PRKCE: variants seen among roughly 807,000 people sequenced by gnomAD.
PRKCE encodes protein kinase C epsilon, also known as protein kinase C epsilon type.
A neutral mutation model predicts 85.4 loss-of-function variants in PRKCE; 16 were observed. That is an observed-to-expected ratio of 0.19 (90% CI 0.13 to 0.28). The LOEUF (loss-of-function observed/expected upper bound fraction) is 0.28. Ranked by LOEUF, PRKCE falls within the 10% of genes least tolerant of loss-of-function variation. The probability of loss-of-function intolerance (pLI) is 1.00; values close to 1 mark genes in which losing one functional copy is unlikely to be tolerated. For missense variants in PRKCE, 573 were observed against 975.2 expected (o/e 0.59, Z 5.49); for synonymous variants, 388 against 371.5 (o/e 1.04, Z -0.51).
chr2:46,088,251 C>T (rs140560061), intron 11 of PRKCE, among the ~76,000 whole-genome samples: 5 of 152,142 alleles, frequency 3.3e-5, no homozygotes, highest in South Asian at 2.1e-4. Context: ...CCCCTTGTTT[C>T]GCACCCACAA....
rs531834984 is a variant in PRKCE at position 46,037,621 on chromosome 2, T to C, written c.1437+27104T>C. 4.8e-4 allele frequency among the ~76,000 whole-genome samples: 73 copies of C among 152,316 alleles called. 1 individual carries two copies. Among genetic ancestry groups the C allele is most frequent in the African/African-American group, 1.8e-3 (73 of 41,576 alleles). ...AACATACCCAAGCCATTATCCAGCC[T>C]ACCAATAATACATTTCAAGAAAACA... On this transcript the variant is annotated intron_variant, in intron 10 of 14. Coordinates refer to ENST00000306156, the MANE Select transcript of PRKCE (RefSeq NM_005400.3).
chr2:45,941,994 C>T (rs1486820253), intron 2 of PRKCE, among the ~76,000 whole-genome samples: 3 of 152,188 alleles, frequency 2.0e-5, no homozygotes, highest in Non-Finnish European at 4.4e-5. Flanking sequence ...TGAGTTGGCT[C>T]CATCTTTCAA....
intron 10 of PRKCE, among the ~76,000 whole-genome samples, chr2:46,085,554 G>A (rs1368041266): frequency 6.8e-6 from 1 of 147,436 alleles, no homozygotes; most frequent in Non-Finnish European, 1.5e-5. Flanking sequence ...GCATCCTTTG[G>A]CTTGTGACTG....
At chr2:46,048,885 C>CT (rs1478096229) in intron 10 of PRKCE, among the ~76,000 whole-genome samples, 1 of 152,216 alleles carries the variant, frequency 6.6e-6, no homozygotes, top group African/African-American at 2.4e-5. Context: ...ACAGAATGCA[C>CT]TCTGCACTTT....
intron 10 of PRKCE, among the ~76,000 whole-genome samples, chr2:46,014,062 A>G (rs1385410180): frequency 6.6e-6 from 1 of 152,158 alleles, no homozygotes; most frequent in East Asian, 1.9e-4. Context: ...GAGCCCGCCT[A>G]CCCTTGGCTC....
chr2:45,708,208 C>T (rs1017710240), intron 1 of PRKCE, among the ~76,000 whole-genome samples: 13 of 152,202 alleles, frequency 8.5e-5, no homozygotes, highest in African/African-American at 2.9e-4. Flanking sequence ...GGGCTCCAGT[C>T]CACAATCATC....
At chr2:46,120,202 C>G (rs1447414200) in intron 11 of PRKCE, among the ~76,000 whole-genome samples, 2 of 152,218 alleles carry the variant, frequency 1.3e-5, no homozygotes, top group Non-Finnish European at 2.9e-5. Context: ...GTCTCTTCAC[C>G]TCCCCAGTGA....
At chr2:46,050,889 C>T (rs1192350155) in intron 10 of PRKCE, among the ~76,000 whole-genome samples, 1 of 152,210 alleles carries the variant, frequency 6.6e-6, no homozygotes, top group Non-Finnish European at 1.5e-5. Flanking sequence ...CCACAATGGG[C>T]AGAAACATCT....
rs374881247 is a variant in PRKCE, at chr2:45,728,882, T to C, written c.348+76434T>C. On this transcript the variant is annotated intron_variant, in intron 1 of 14. Transcript: ENST00000306156. ...GAGTAATGTGTTTAGAGTTGGGTGT[T>C]GGAGCTGGGTGTTAGCAAAGATTTG... Among the ~76,000 whole-genome samples the C allele has an allele frequency of 1.2e-3, 179 of 152,310 alleles. 1 individual carries two copies. The highest frequency in any genetic ancestry group is 4.1e-3 in the African/African-American group (170 of 41,550).
chr2:45,951,994 A>T (rs1014002194), intron 2 of PRKCE, among the ~76,000 whole-genome samples: 14 of 152,156 alleles, frequency 9.2e-5, no homozygotes, highest in African/African-American at 1.9e-4. Flanking sequence ...CACCACATCC[A>T]GCTAACTTTT....
intron 1 of PRKCE, among the ~76,000 whole-genome samples, chr2:45,829,230 G>A (rs1690202705): frequency 6.6e-6 from 1 of 152,132 alleles, no homozygotes; most frequent in African/African-American, 2.4e-5. Flanking sequence ...AAGGATTTTT[G>A]TCATGTAAGG....
intron 14 of PRKCE, among the ~76,000 whole-genome samples, chr2:46,168,412 G>T (rs1678559793): frequency 6.6e-6 from 1 of 152,150 alleles, no homozygotes; most frequent in Non-Finnish European, 1.5e-5. Flanking sequence ...TAGAGGAGCT[G>T]GAACTTGACA....
chr2:46,050,850 A>G (rs549735766), intron 10 of PRKCE, among the ~76,000 whole-genome samples: 5 of 152,294 alleles, frequency 3.3e-5, no homozygotes, highest in South Asian at 2.1e-4. Context: ...ACTCTTTTCT[A>G]GAAAAGAAAT....
intron 1 of PRKCE, among the ~76,000 whole-genome samples, chr2:45,804,751 G>A (rs961897915): frequency 1.3e-5 from 2 of 152,074 alleles, no homozygotes; most frequent in Non-Finnish European, 2.9e-5. Context: ...GGAGGCTGAG[G>A]GACTTAACAT....
chr2:46,068,191 A>T lies in PRKCE; in HGVS notation c.1438-18017A>T, dbSNP rs966781061. Among the ~76,000 whole-genome samples the T allele has an allele frequency of 1.3e-5, 2 of 152,142 alleles. No homozygotes were observed. The highest frequency in any genetic ancestry group is 4.8e-5 in the African/African-American group (2 of 41,430). On this transcript the variant is annotated intron_variant, in intron 10 of 14. Coordinates refer to ENST00000306156, the MANE Select transcript of PRKCE (RefSeq NM_005400.3). This position sits in a 1 kb window ranked among gnomAD's most constrained non-coding sequence, Gnocchi z 4.3. ...AAACCTTAGCTGGTCTGTATCCAGG[A>T]TGAAAAAAATAATCTATTTTGGTGA...
rs151212556 is a variant in PRKCE, at chr2:46,180,200, A to G, written c.2068-4535A>G. On this transcript the variant is annotated intron_variant, in intron 14 of 14. Coordinates refer to ENST00000306156, the MANE Select transcript of PRKCE (RefSeq NM_005400.3). ...AGGGATGAGGAGGGTTCCTGAAGAA[A>G]GGGCATGTACATGGAGGTGGGGAAA... is the stretch of plus-strand genomic sequence containing the variant. Among the ~76,000 whole-genome samples, 404 of 152,294 alleles carry G rather than the reference A, an allele frequency of 2.7e-3. 1 individual carries two copies. Among genetic ancestry groups the G allele is most frequent in the African/African-American group, 8.7e-3 (362 of 41,552 alleles).
At chr2:45,812,632 C>T (rs950447048) in intron 1 of PRKCE, among the ~76,000 whole-genome samples, 1 of 152,230 alleles carries the variant, frequency 6.6e-6, no homozygotes, top group Non-Finnish European at 1.5e-5. Flanking sequence ...ACGTAAAACA[C>T]TTATTACGCC....
In PRKCE at chr2:45,652,594, C is replaced by T. The variant is rs1381609275; in HGVS notation, c.348+146C>T. The T allele has an allele frequency of 1.3e-6, 1 of 790,340 alleles. No individual in the cohort carries two copies. The highest frequency in any genetic ancestry group is 2.0e-6 in the Non-Finnish European group (1 of 510,798). The allele number at this position is 790,340 out of a possible 1,614,324, so 49.0% of individuals were successfully genotyped here. The stretch of plus-strand genomic sequence containing the variant: ...GTCTCAGTTTCCTTGGGGAGGTACA[C>T]TTCACTTCATAGTTGGGGAGAAACA... On this transcript the variant is annotated intron_variant, in intron 1 of 14. Coordinates refer to ENST00000306156, the MANE Select transcript of PRKCE (RefSeq NM_005400.3). The surrounding 1 kb of genome is among the most constrained non-coding windows in gnomAD (Gnocchi z 7.7).
At chr2:45,732,459 C>T (rs998832807) in intron 1 of PRKCE, among the ~76,000 whole-genome samples, 1 of 152,112 alleles carries the variant, frequency 6.6e-6, no homozygotes, top group Non-Finnish European at 1.5e-5. Flanking sequence ...TGGTCATTAC[C>T]TGTATTAAAT....
Sources: allele counts gnomAD v4.1 joint callset (sites outside exome capture counted in the v4.1 genomes callset), GRCh38; gene constraint gnomAD v4.1.1; non-coding constraint Gnocchi (gnomAD v3.1); transcripts MANE v1.5; gene names NCBI Gene and HGNC (gene_info 2026-07-23, HGNC 2026-07-21).